Variants in PDE4D observed in about 807,000 individuals in gnomAD.
PDE4D encodes phosphodiesterase 4D, also known as 3',5'-cyclic-AMP phosphodiesterase 4D.
A neutral mutation model predicts 87.4 loss-of-function variants in PDE4D; 24 were observed. That is an observed-to-expected ratio of 0.27 (90% CI 0.20 to 0.39). PDE4D has a LOEUF of 0.39. PDE4D is among the 10% of genes least tolerant of loss of function. The pLI is 1.00. For missense variants in PDE4D, 714 were observed against 1,041.0 expected (o/e 0.69, Z 4.32); for synonymous variants, 384 against 383.2 (o/e 1.00, Z -0.02).
chr5:60,298,285 G>A (rs1002226845), intron 1 of PDE4D, among the ~76,000 whole-genome samples: 1 of 151,960 alleles, frequency 6.6e-6, no homozygotes, highest in African/African-American at 2.4e-5. Context: ...TAACATAAAA[G>A]TGTTTACTAA....
chr5:59,360,117 C>G (rs1781979385), intron 1 of PDE4D, among the ~76,000 whole-genome samples: 1 of 152,056 alleles, frequency 6.6e-6, no homozygotes, highest in Non-Finnish European at 1.5e-5. Context: ...CACAGAAACT[C>G]AGAATTTCCT....
rs1753134804 is a variant in PDE4D, at chr5:59,224,040, C to A, written c.456-8072G>T. ...GTGGCTCACACTTGTAATCCCAGAA[C>A]TTTGGGAGGCTAAGGGGAGTGGATT... On this transcript the variant is annotated intron_variant, in intron 1 of 14. Transcript: ENST00000340635. Among the ~76,000 whole-genome samples, 3 of 142,068 alleles carry A rather than the reference C, an allele frequency of 2.1e-5. No individual in the cohort carries two copies. The South Asian group carries it at 6.5e-4, about 31-fold the overall frequency. The allele number at this position is 142,068 out of a possible 152,430, so 93.2% of individuals were successfully genotyped here.
intron 1 of PDE4D, among the ~76,000 whole-genome samples, chr5:60,397,229 T>G (rs1199664755): frequency 6.6e-6 from 1 of 152,172 alleles, no homozygotes; most frequent in Non-Finnish European, 1.5e-5. Context: ...TGGGAAGCAA[T>G]ATGGAGGTTT....
intron 3 of PDE4D, among the ~76,000 whole-genome samples, chr5:59,941,586 G>T (rs535650745): frequency 2.0e-5 from 3 of 152,282 alleles, no homozygotes; most frequent in South Asian, 4.1e-4. Context: ...TTTGGGAAGA[G>T]ATTAAGAATA....
At chr5:59,255,004 A>G (rs1023789313) in intron 1 of PDE4D, among the ~76,000 whole-genome samples, 1 of 152,116 alleles carries the variant, frequency 6.6e-6, no homozygotes, top group Admixed American at 6.6e-5. Flanking sequence ...ACACTGGAAA[A>G]TAACCAAAAG....
intron 1 of PDE4D, among the ~76,000 whole-genome samples, chr5:59,802,579 A>G (rs1184536225): frequency 6.6e-6 from 1 of 151,750 alleles, no homozygotes; most frequent in Non-Finnish European, 1.5e-5. Flanking sequence ...TTGTATTTTT[A>G]GTAGAGAGGG....
chr5:59,051,441 G>A (rs1761538156), intron 5 of PDE4D, among the ~76,000 whole-genome samples: 1 of 152,196 alleles, frequency 6.6e-6, no homozygotes, highest in Admixed American at 6.5e-5. Flanking sequence ...GGAAGAATAT[G>A]TATTTGTCAT....
At chr5:60,158,683 C>T (rs1258552881) in intron 2 of PDE4D, among the ~76,000 whole-genome samples, 1 of 152,222 alleles carries the variant, frequency 6.6e-6, no homozygotes, top group Non-Finnish European at 1.5e-5. Context: ...CTGCCTCAGC[C>T]TTCAGAGCAG....
intron 1 of PDE4D, among the ~76,000 whole-genome samples, chr5:60,445,402 A>G (rs1344199040): frequency 3.3e-5 from 5 of 152,220 alleles, no homozygotes; most frequent in African/African-American, 1.2e-4. Context: ...TCAACAAATC[A>G]TTATTCCACT....
At chr5:59,860,363 T>C (rs1158967092) in intron 1 of PDE4D, among the ~76,000 whole-genome samples, 2 of 152,200 alleles carry the variant, frequency 1.3e-5, no homozygotes, top group African/African-American at 4.8e-5. Flanking sequence ...TTCTTCTTAA[T>C]TGAGGAATTC....
intron 1 of PDE4D, among the ~76,000 whole-genome samples, chr5:59,671,837 AT>A (rs1172096397): frequency 6.6e-6 from 1 of 151,842 alleles, no homozygotes; most frequent in African/African-American, 2.4e-5. Context: ...TAAAGAAATA[AT>A]TTTTTTCAAA....
chr5:58,994,960 G>A (rs1748864715), intron 6 of PDE4D, among the ~76,000 whole-genome samples: 1 of 122,852 alleles, frequency 8.1e-6, no homozygotes, highest in African/African-American at 3.3e-5. Context: ...TCCCCTTCCT[G>A]TGCCCAAGTG....
chr5:59,380,485 T>G, intron 1 of PDE4D, among the ~76,000 whole-genome samples: 1 of 151,612 alleles, frequency 6.6e-6, no homozygotes, highest in Non-Finnish European at 1.5e-5. Flanking sequence ...ATGAAGGTGG[T>G]CAACCACTTC....
chr5:60,301,662 G>A (rs887844387), intron 1 of PDE4D, among the ~76,000 whole-genome samples: 11 of 152,116 alleles, frequency 7.2e-5, no homozygotes, highest in Non-Finnish European at 1.3e-4. Flanking sequence ...AAAGATAACT[G>A]GACTTCCTCT....
chr5:59,818,622 A>G (rs1464617612), intron 1 of PDE4D, among the ~76,000 whole-genome samples: 1 of 152,188 alleles, frequency 6.6e-6, no homozygotes, highest in Non-Finnish European at 1.5e-5. Flanking sequence ...AGCCAAACCA[A>G]TGATTAAGCT....
intron 1 of PDE4D, among the ~76,000 whole-genome samples, chr5:59,492,079 A>T (rs567397662): frequency 1.3e-5 from 2 of 152,096 alleles, no homozygotes; most frequent in Non-Finnish European, 2.9e-5. Flanking sequence ...CCCACCCCCA[A>T]ACAAATTTCT....
chr5:60,295,062 T>C (rs1296003098), intron 1 of PDE4D, among the ~76,000 whole-genome samples: 1 of 152,176 alleles, frequency 6.6e-6, no homozygotes, highest in South Asian at 2.1e-4. Context: ...GTTTTCAGTA[T>C]AAGAATTGTG....
intron 1 of PDE4D, among the ~76,000 whole-genome samples, chr5:59,493,648 C>A (rs189137625): frequency 6.6e-6 from 1 of 152,182 alleles, no homozygotes; most frequent in African/African-American, 2.4e-5. Flanking sequence ...TTTTAGAGAC[C>A]AAATGATAGG....
In PDE4D at chr5:60,063,095, GAAGAAAGAAAGAAAGAAAGAAAGA is replaced by G. The variant is rs34450673; in HGVS notation, c.43-74402_43-74379del. Among the ~76,000 whole-genome samples, 26 of 97,278 alleles carry G rather than the reference GAAGAAAGAAAGAAAGAAAGAAAGA, an allele frequency of 2.7e-4. 1 individual carries two copies. Among genetic ancestry groups the G allele is most frequent in the South Asian group, 1.9e-3 (5 of 2,572 alleles). 63.8% of individuals were successfully genotyped at this position (97,278 alleles called of 152,430 possible). The stretch of plus-strand genomic sequence containing the variant: ...CTTAAAGAAGAAAGAAAGAAAGAAA[GAAGAAAGAAAGAAAGAAAGAAAGA>G]AAGAAAGAAAGAAAGAAAGAAAGAA... On this transcript the variant is annotated intron_variant, in intron 2 of 16. Transcript: ENST00000502484.
Sources: gnomAD v4.1 joint callset for allele counts (sites outside exome capture counted in the v4.1 genomes callset) on GRCh38, gnomAD v4.1.1 for gene constraint, MANE v1.5 for transcripts, NCBI Gene and HGNC (gene_info 2026-07-23, HGNC 2026-07-21) for gene names.